Variants in GRIK2 observed in about 807,000 individuals in gnomAD.
GRIK2 encodes the protein glutamate ionotropic receptor kainate type subunit 2.
In GRIK2, 32 loss-of-function variants were observed where a neutral mutation model predicts 100.3. The observed-to-expected ratio is 0.32, with a 90% CI of 0.24 to 0.43. GRIK2 has a LOEUF of 0.43. Among genes scored for constraint, GRIK2 ranks in the 20% least tolerant of loss-of-function variants. The pLI is 1.00. For missense variants in GRIK2, 843 were observed against 1,114.9 expected (o/e 0.76, Z 3.47); for synonymous variants, 417 against 389.4 (o/e 1.07, Z -0.83).
intron 14 of GRIK2, among the ~76,000 whole-genome samples, chr6:102,006,721 A>G (rs540561567): frequency 6.6e-6 from 1 of 150,554 alleles, no homozygotes; most frequent in East Asian, 2.0e-4. Context: ...TGACCCCTAC[A>G]AGCCCTGTCA....
chr6:101,595,250 G>A (rs900234763), intron 2 of GRIK2, among the ~76,000 whole-genome samples: 10 of 151,652 alleles, frequency 6.6e-5, no homozygotes, highest in Non-Finnish European at 1.2e-4. Context: ...GACAGAAGGA[G>A]GGGAGTGATG....
intron 14 of GRIK2, among the ~76,000 whole-genome samples, chr6:101,977,323 A>G (rs9498783): frequency 0.012 from 1,813 of 151,882 alleles, 37 homozygotes; most frequent in African/African-American, 0.042. Flanking sequence ...TGGAATTAGA[A>G]GAGCCAAGAT....
At chr6:101,524,766 T>C (rs1370559405) in intron 2 of GRIK2, among the ~76,000 whole-genome samples, 1 of 151,690 alleles carries the variant, frequency 6.6e-6, no homozygotes, top group African/African-American at 2.4e-5. Context: ...AGTTTCGCTC[T>C]TGTTGCCCAG....
chr6:101,588,347 A>C (rs576806737), intron 2 of GRIK2, among the ~76,000 whole-genome samples: 3 of 152,252 alleles, frequency 2.0e-5, no homozygotes, highest in African/African-American at 7.2e-5. Flanking sequence ...AAATAGTTCA[A>C]AATGACTGGA....
chr6:101,899,096 G>GTTT (rs1372120727), intron 12 of GRIK2, among the ~76,000 whole-genome samples: 4 of 133,066 alleles, frequency 3.0e-5, no homozygotes, highest in African/African-American at 5.5e-5. Context: ...TCTTTTTGTT[G>GTTT]TTTTTGTTTT....
chr6:101,667,485 G>T (rs1770115014), intron 4 of GRIK2, among the ~76,000 whole-genome samples: 1 of 152,104 alleles, frequency 6.6e-6, no homozygotes, highest in Non-Finnish European at 1.5e-5. Context: ...CAGGATTTGG[G>T]TGTGTTTGAG....
chr6:101,628,942 A>G (rs768872236), intron 4 of GRIK2, among the ~76,000 whole-genome samples: 7 of 152,088 alleles, frequency 4.6e-5, no homozygotes, highest in Non-Finnish European at 7.4e-5. Context: ...TGGCATTTTT[A>G]TTTAATATAT....
intron 10 of GRIK2, among the ~76,000 whole-genome samples, chr6:101,840,603 T>C (rs1035768777): frequency 1.3e-5 from 2 of 152,204 alleles, no homozygotes; most frequent in Non-Finnish European, 2.9e-5. Context: ...CAATAACAGA[T>C]GAGTCCTTGG....
chr6:101,568,177 A>T (rs997729663), intron 2 of GRIK2, among the ~76,000 whole-genome samples: 1 of 151,956 alleles, frequency 6.6e-6, no homozygotes, highest in African/African-American at 2.4e-5. Context: ...TCTTTTCAAA[A>T]CTATTTCACA....
At chr6:101,726,483 A>G (rs1209692963) in intron 7 of GRIK2, among the ~76,000 whole-genome samples, 9 of 152,004 alleles carry the variant, frequency 5.9e-5, no homozygotes, top group African/African-American at 2.2e-4. Flanking sequence ...ACAAACAGGA[A>G]TCAATTGGGA....
At chr6:101,830,137 A>G (rs915872519) in intron 10 of GRIK2, among the ~76,000 whole-genome samples, 3 of 151,948 alleles carry the variant, frequency 2.0e-5, no homozygotes, top group Non-Finnish European at 4.4e-5. Flanking sequence ...CCTACAACCA[A>G]CTGATCTTTG....
chr6:101,537,981 A>T (rs1323965741), intron 2 of GRIK2, among the ~76,000 whole-genome samples: 1 of 151,864 alleles, frequency 6.6e-6, no homozygotes, highest in African/African-American at 2.4e-5. Context: ...GAATGACTGC[A>T]ATAAAAGCTA....
intron 2 of GRIK2, among the ~76,000 whole-genome samples, chr6:101,476,536 GT>G (rs1027318742): frequency 6.6e-6 from 1 of 151,938 alleles, no homozygotes; most frequent in Non-Finnish European, 1.5e-5. Context: ...ATGATTTTAG[GT>G]TTTTTTCCCA....
intron 13 of GRIK2, chr6:101,927,842 T>A (rs1337066243): frequency 1.3e-5 from 2 of 152,988 alleles, no homozygotes; most frequent in African/African-American, 4.8e-5. Flanking sequence ...TAATTTATTA[T>A]CTTATTTTAA....
intron 7 of GRIK2, among the ~76,000 whole-genome samples, chr6:101,725,100 C>T (rs530768423): frequency 1.7e-4 from 26 of 152,088 alleles, no homozygotes; most frequent in African/African-American, 4.3e-4. Flanking sequence ...CACAGTGATC[C>T]GGGCTTATGG....
At chr6:101,573,423 G>A (rs1351432007) in intron 2 of GRIK2, among the ~76,000 whole-genome samples, 2 of 152,106 alleles carry the variant, frequency 1.3e-5, no homozygotes, top group African/African-American at 4.8e-5. Context: ...AAAGCTAATT[G>A]TTGAAAGAAG....
At chr6:101,630,324 C>A (rs1780665674) in intron 4 of GRIK2, among the ~76,000 whole-genome samples, 1 of 152,168 alleles carries the variant, frequency 6.6e-6, no homozygotes, top group South Asian at 2.1e-4. Flanking sequence ...AATTTACATT[C>A]CCACCAAACT....
rs529461552 is a variant in GRIK2 at position 101,793,945 on chromosome 6, G to C, written c.952-5703G>C. Among the ~76,000 whole-genome samples the C allele has an allele frequency of 9.9e-5, 15 of 152,226 alleles. No individual in the cohort carries two copies. The South Asian group carries it at 2.1e-3, about 21-fold the overall frequency. ...GCCCCTCTCCCAGCCTCCCTGCCGC[G>C]TTGCAGTTTGATCTCAGACTTCTGT... is the stretch of plus-strand genomic sequence containing the variant. On this transcript the variant is annotated intron_variant, in intron 7 of 16. Transcript: ENST00000369134.
intron 3 of GRIK2, 81 bp from the exon 4 acceptor site, chr6:101,626,299 G>T: frequency 8.4e-7 from 1 of 1,191,614 alleles, no homozygotes; most frequent in Non-Finnish European, 1.2e-6. Context: ...GATACCTTTG[G>T]GTTTAAAATA....
Sources: allele counts gnomAD v4.1 joint callset (sites outside exome capture counted in the v4.1 genomes callset), GRCh38; gene constraint gnomAD v4.1.1; transcripts MANE v1.5; gene names NCBI Gene and HGNC (gene_info 2026-07-23, HGNC 2026-07-21).